PRKCQ: variants seen among roughly 807,000 people sequenced by gnomAD.
PRKCQ encodes the protein protein kinase C theta type.
In PRKCQ, 41 loss-of-function variants were observed where a neutral mutation model predicts 91.2. The ratio of observed to expected loss-of-function variants is 0.45; its 90% CI spans 0.35 to 0.58. PRKCQ has a LOEUF of 0.58. PRKCQ is among the 20% of genes least tolerant of loss of function. The pLI is 0.00. For missense variants in PRKCQ, 673 were observed against 896.5 expected (o/e 0.75, Z 3.18); for synonymous variants, 307 against 316.9 (o/e 0.97, Z 0.33).
intron 4 of PRKCQ, among the ~76,000 whole-genome samples, chr10:6,501,439 A>C (rs1033159969): frequency 6.6e-6 from 1 of 152,062 alleles, no homozygotes; most frequent in Non-Finnish European, 1.5e-5. Flanking sequence ...GTGTGCAACC[A>C]AGAAAGGGAG....
chr10:6,475,393 T>C (rs1280000095), intron 12 of PRKCQ, among the ~76,000 whole-genome samples: 1 of 152,232 alleles, frequency 6.6e-6, no homozygotes, highest in Non-Finnish European at 1.5e-5. Context: ...TCACATTTTG[T>C]AGCTTCCTAA....
intron 12 of PRKCQ, among the ~76,000 whole-genome samples, chr10:6,466,280 C>T (rs560065651): frequency 6.6e-6 from 1 of 152,258 alleles, no homozygotes; most frequent in Admixed American, 6.5e-5. Flanking sequence ...CAGTTCAGCC[C>T]CACTCCCATG....
chr10:6,579,366 A>C (rs918173319), intron 1 of PRKCQ, among the ~76,000 whole-genome samples: 13 of 152,068 alleles, frequency 8.5e-5, no homozygotes, highest in Non-Finnish European at 1.6e-4. Flanking sequence ...TCCAGCCCGC[A>C]CAGGGGCAGG....
downstream of PRKCQ, among the ~76,000 whole-genome samples, chr10:6,422,817 T>C (rs1833036708): frequency 6.6e-6 from 1 of 152,126 alleles, no homozygotes; most frequent in South Asian, 2.1e-4. Context: ...AGAAAACATG[T>C]TCCCTGGCTG....
intron 1 of PRKCQ, among the ~76,000 whole-genome samples, chr10:6,556,757 G>T (rs577059086): frequency 7.9e-5 from 12 of 152,068 alleles, no homozygotes; most frequent in South Asian, 4.2e-4. Flanking sequence ...CTTTATTTTT[G>T]ATCTTATTCC....
At chr10:6,579,811 T>C (rs943451) in intron 1 of PRKCQ, among the ~76,000 whole-genome samples, 76,914 of 149,086 alleles carry the variant, frequency 0.52, 24,290 homozygotes, top group South Asian at 0.71. Flanking sequence ...CAGGATACCA[T>C]CTCCAGAAAA....
At chr10:6,422,086 C>G in the PRKCQ span, among the ~76,000 whole-genome samples, 2 of 151,518 alleles carry the variant, frequency 1.3e-5, no homozygotes, top group Non-Finnish European at 2.9e-5. Context: ...GGTTTGATAC[C>G]CCCTTTCTTT....
At chr10:6,556,393 C>T (rs1840414238) in intron 1 of PRKCQ, among the ~76,000 whole-genome samples, 1 of 144,682 alleles carries the variant, frequency 6.9e-6, no homozygotes, top group Non-Finnish European at 1.5e-5. Context: ...AATTGCACCA[C>T]TGCACTCCAG....
the PRKCQ span, among the ~76,000 whole-genome samples, chr10:6,421,632 G>A: frequency 6.6e-6 from 1 of 152,216 alleles, no homozygotes; most frequent in Non-Finnish European, 1.5e-5. The surrounding 1 kb of genome is among the most constrained non-coding windows in gnomAD (Gnocchi z 4.1). Context: ...AGAATTCAGA[G>A]TTTGTGGTGC....
intron 1 of PRKCQ, among the ~76,000 whole-genome samples, chr10:6,532,112 T>C (rs979705141): frequency 6.6e-6 from 1 of 152,240 alleles, no homozygotes; most frequent in Non-Finnish European, 1.5e-5. Context: ...GATTGTTTAA[T>C]CGGCCAGATG....
At chr10:6,394,753 G>A in the PRKCQ span, among the ~76,000 whole-genome samples, 3 of 152,224 alleles carry the variant, frequency 2.0e-5, no homozygotes, top group South Asian at 2.1e-4. Context: ...CATGCTGCTC[G>A]CAAGAAGCAG....
chr10:6,455,945 T>C (rs774144946), intron 15 of PRKCQ, among the ~76,000 whole-genome samples: 2 of 152,170 alleles, frequency 1.3e-5, no homozygotes, highest in Non-Finnish European at 2.9e-5. Context: ...GCAGGGAGAT[T>C]TGAAGATGAA....
chr10:6,486,942 G>T (rs537495417), intron 8 of PRKCQ, among the ~76,000 whole-genome samples: 1 of 152,172 alleles, frequency 6.6e-6, no homozygotes, highest in Non-Finnish European at 1.5e-5. Flanking sequence ...GAGAGGTCAC[G>T]GCAGAACACA....
the PRKCQ span, among the ~76,000 whole-genome samples, chr10:6,407,469 CAG>C: frequency 2.8e-4 from 27 of 95,006 alleles, no homozygotes; most frequent in Admixed American, 9.5e-4. The surrounding 1 kb of genome is among the most constrained non-coding windows in gnomAD (Gnocchi z 4.0). Context: ...TGTACATGTT[CAG>C]TGTGTGTGTG....
the PRKCQ span, among the ~76,000 whole-genome samples, chr10:6,418,473 C>T: frequency 6.7e-6 from 1 of 150,048 alleles, no homozygotes; most frequent in Non-Finnish European, 1.5e-5. Flanking sequence ...CCCCTGCTTT[C>T]TCCCCCTCTC....
chr10:6,428,220 C>T lies in PRKCQ; in HGVS notation c.2108G>A (p.Arg703Gln), dbSNP rs753716547. The T allele has an allele frequency of 2.0e-5, 32 of 1,613,982 alleles. No individual in the cohort carries two copies. Among genetic ancestry groups the T allele is most frequent in the Middle Eastern group, 1.6e-4 (1 of 6,084 alleles). Residue 703 changes from arginine to glutamine, a missense_variant, in exon 18 of 18, where the codon CGG becomes CAG. Coordinates refer to ENST00000263125, the MANE Select transcript of PRKCQ (RefSeq NM_006257.5). ...NFSFMNPGME[R>Q]LIS is the part of the protein sequence containing the mutation. Reference sequence around the variant, plus strand: ...GAGGGGCAAGATTCAGGATATCAGCCGCTCCATCCCGGGGTTCATGAAGGA... The same window carrying T: ...GAGGGGCAAGATTCAGGATATCAGCTGCTCCATCCCGGGGTTCATGAAGGA...
At chr10:6,434,676 G>GTTTCAAC (rs1438657437) in intron 16 of PRKCQ, among the ~76,000 whole-genome samples, 1 of 152,228 alleles carries the variant, frequency 6.6e-6, no homozygotes, top group Non-Finnish European at 1.5e-5. Context: ...CCAGGATGTA[G>GTTTCAAC]TTGAAGTTTG....
chr10:6,555,949 C>T (rs575989935), intron 1 of PRKCQ, among the ~76,000 whole-genome samples: 2 of 152,256 alleles, frequency 1.3e-5, no homozygotes, highest in Middle Eastern at 6.8e-3. Flanking sequence ...GCAGAGGTTG[C>T]AGTGAGCTGA....
At chr10:6,502,495 A>G (rs972446321) in intron 4 of PRKCQ, among the ~76,000 whole-genome samples, 2 of 152,236 alleles carry the variant, frequency 1.3e-5, no homozygotes, top group African/African-American at 4.8e-5. Context: ...AGAAACGATC[A>G]GCAGTCACTT....
Sources: allele counts gnomAD v4.1 joint callset (sites outside exome capture counted in the v4.1 genomes callset), GRCh38; gene constraint gnomAD v4.1.1; non-coding constraint Gnocchi (gnomAD v3.1); transcripts MANE v1.5; gene names NCBI Gene and HGNC (gene_info 2026-07-23, HGNC 2026-07-21).